PLXDC2: variants seen among roughly 807,000 people sequenced by gnomAD.
The protein encoded by PLXDC2 is plexin domain containing 2, also known as plexin domain-containing protein 2.
PLXDC2 carries 40 observed loss-of-function variants against 68.9 expected under a neutral mutation model. The ratio of observed to expected loss-of-function variants is 0.58; its 90% CI spans 0.45 to 0.76. The LOEUF is 0.76. Among genes scored for constraint, PLXDC2 ranks in the 30% least tolerant of loss-of-function variants. PLXDC2 has a pLI of 0.00. For missense variants in PLXDC2, 644 were observed against 661.9 expected (o/e 0.97, Z 0.30); for synonymous variants, 243 against 234.2 (o/e 1.04, Z -0.34).
chr10:20,042,098 T>G (rs1044445977), intron 2 of PLXDC2, among the ~76,000 whole-genome samples: 17 of 152,170 alleles, frequency 1.1e-4, no homozygotes, highest in African/African-American at 3.6e-4. Context: ...TCATGTTGTG[T>G]GTACCTCGGG....
intron 1 of PLXDC2, among the ~76,000 whole-genome samples, chr10:19,854,648 T>G (rs191169433): frequency 6.6e-6 from 1 of 152,148 alleles, no homozygotes; most frequent in African/African-American, 2.4e-5. Flanking sequence ...CAAGCGAAGT[T>G]AAAAAAAACC....
At chr10:20,253,721 G>A (rs889979996) in intron 13 of PLXDC2, among the ~76,000 whole-genome samples, 6 of 151,978 alleles carry the variant, frequency 3.9e-5, no homozygotes, top group African/African-American at 1.5e-4. Flanking sequence ...ATTTCCTTGA[G>A]GACTCATGTT....
intron 1 of PLXDC2, among the ~76,000 whole-genome samples, chr10:19,867,434 C>T (rs892943416): frequency 1.3e-5 from 2 of 152,048 alleles, no homozygotes; most frequent in Non-Finnish European, 2.9e-5. Context: ...ATCTGTATTT[C>T]TGTAGAACGT....
chr10:20,108,234 G>C (rs1833516663), intron 4 of PLXDC2, among the ~76,000 whole-genome samples: 1 of 152,054 alleles, frequency 6.6e-6, no homozygotes, highest in Non-Finnish European at 1.5e-5. Flanking sequence ...CCCGAGTTGG[G>C]TTCTGTAAGG....
chr10:20,202,150 AAT>A, intron 9 of PLXDC2, among the ~76,000 whole-genome samples: 1 of 152,276 alleles, frequency 6.6e-6, no homozygotes, highest in Non-Finnish European at 1.5e-5. Flanking sequence ...TGACATAGAA[AAT>A]ATATCTGTGC....
chr10:20,241,088 A>T (rs1282046384), intron 12 of PLXDC2, among the ~76,000 whole-genome samples: 1 of 152,240 alleles, frequency 6.6e-6, no homozygotes, highest in Non-Finnish European at 1.5e-5. Flanking sequence ...TTGTGTTATT[A>T]GATATGGCCA....
intron 1 of PLXDC2, among the ~76,000 whole-genome samples, chr10:19,971,543 G>C (rs1344833646): frequency 6.6e-6 from 1 of 152,190 alleles, no homozygotes; most frequent in Non-Finnish European, 1.5e-5. Flanking sequence ...AGGCTGGATA[G>C]GGGCCGGATG....
intron 12 of PLXDC2, among the ~76,000 whole-genome samples, chr10:20,244,222 A>G (rs1835558530): frequency 6.6e-6 from 1 of 152,228 alleles, no homozygotes; most frequent in East Asian, 1.9e-4. Flanking sequence ...ATTATACTGC[A>G]CATAATTCAG....
intron 5 of PLXDC2, among the ~76,000 whole-genome samples, chr10:20,146,518 T>TCCTTCCTTCCTTCCTTCCTC (rs1217081598): frequency 1.4e-3 from 157 of 115,616 alleles, no homozygotes; most frequent in Middle Eastern, 9.3e-3. Flanking sequence ...CTTCCTTCCT[T>TCCTTCCTTCCTTCCTTCCTC]CCTCCCTCCC....
At chr10:19,872,773 A>G (rs1175597659) in intron 1 of PLXDC2, among the ~76,000 whole-genome samples, 1 of 152,046 alleles carries the variant, frequency 6.6e-6, no homozygotes, top group Non-Finnish European at 1.5e-5. Flanking sequence ...TCTGGCAAAG[A>G]GGGCTATGAT....
At chr10:20,266,088 CAT>C (rs1835868791) in intron 13 of PLXDC2, among the ~76,000 whole-genome samples, 1 of 152,086 alleles carries the variant, frequency 6.6e-6, no homozygotes, top group African/African-American at 2.4e-5. Flanking sequence ...GGATTATTCA[CAT>C]AGAAAATAGT....
At position 20,143,371 on chromosome 10, in the gene PLXDC2, C is replaced by T. The variant is rs1834031858; in HGVS notation, c.618C>T (p.Phe206=). 9 of 1,613,106 alleles carry T rather than the reference C, an allele frequency of 5.6e-6. No individual in the cohort carries two copies. The highest frequency in any genetic ancestry group is 2.7e-5 in the African/African-American group (2 of 74,888). The stretch of plus-strand genomic sequence containing the variant: ...ACATAGCACCTTTAATGGCAAATTT[C>T]GATCCCAGTGTATCCAGAAATTCAA... ...TQYIAPLMAN[F]DPSVSRNSTV... The change falls in exon 5 of 14, where the codon TTC becomes TTT. Residue 206 remains phenylalanine (F), a synonymous_variant. Coordinates refer to ENST00000377252, the MANE Select transcript of PLXDC2 (RefSeq NM_032812.9).
chr10:19,955,356 C>T (rs2131598351), intron 1 of PLXDC2, among the ~76,000 whole-genome samples: 2 of 152,074 alleles, frequency 1.3e-5, no homozygotes, highest in Middle Eastern at 6.8e-3. Flanking sequence ...TTGTACCAAA[C>T]TGAACTATGT....
chr10:19,827,007 A>G (rs768010785), intron 1 of PLXDC2, among the ~76,000 whole-genome samples: 1 of 152,182 alleles, frequency 6.6e-6, no homozygotes, highest in Non-Finnish European at 1.5e-5. Flanking sequence ...CAACTGATTT[A>G]TTCAGTTTTC....
intron 1 of PLXDC2, among the ~76,000 whole-genome samples, chr10:19,892,145 T>C (rs1386451120): frequency 1.3e-5 from 2 of 152,164 alleles, no homozygotes; most frequent in African/African-American, 4.8e-5. Context: ...TTAATAAATG[T>C]TTACATATAA....
At chr10:20,052,594 CTCTGGTAA>C (rs1835922052) in intron 3 of PLXDC2, among the ~76,000 whole-genome samples, 1 of 151,734 alleles carries the variant, frequency 6.6e-6, no homozygotes, top group African/African-American at 2.4e-5. Context: ...ATGAAAAGCT[CTCTGGTAA>C]TTTGGCTGGA....
chr10:19,872,745 G>A (rs1837562774), intron 1 of PLXDC2, among the ~76,000 whole-genome samples: 1 of 152,028 alleles, frequency 6.6e-6, no homozygotes, highest in African/African-American at 2.4e-5. Context: ...GCATCCATGA[G>A]TTCCCTCCAG....
At chr10:19,949,481 G>A (rs1252500994) in intron 1 of PLXDC2, among the ~76,000 whole-genome samples, 2 of 152,166 alleles carry the variant, frequency 1.3e-5, no homozygotes, top group Admixed American at 1.3e-4. Context: ...AATAGGAATA[G>A]GAGGGGATAG....
At chr10:20,039,644 A>G (rs1390277388) in intron 2 of PLXDC2, among the ~76,000 whole-genome samples, 1 of 152,190 alleles carries the variant, frequency 6.6e-6, no homozygotes. Context: ...CGGTTTGATT[A>G]AAAAAATCAA....
Sources: gnomAD v4.1 joint callset for allele counts (sites outside exome capture counted in the v4.1 genomes callset) on GRCh38, gnomAD v4.1.1 for gene constraint, MANE v1.5 for transcripts, NCBI Gene and HGNC (gene_info 2026-07-23, HGNC 2026-07-21) for gene names.